The following TMEM232 variants were observed in gnomAD, a reference collection of about 807,000 sequenced individuals.
TMEM232 encodes the protein transmembrane protein 232.
Under a neutral mutation model 78.8 loss-of-function variants are expected in TMEM232, and 80 were observed. The ratio of observed to expected loss-of-function variants is 1.01; its 90% CI spans 0.85 to 1.22. The LOEUF is 1.22. Ranked by LOEUF, TMEM232 falls within the 50% of genes most tolerant of loss-of-function variation. The pLI is 0.00. For missense variants in TMEM232, 881 were observed against 742.2 expected (o/e 1.19, Z -2.17); for synonymous variants, 297 against 254.3 (o/e 1.17, Z -1.60).
chr5:110,681,731 T>C (rs1472996061), intron 1 of TMEM232, among the ~76,000 whole-genome samples: 3 of 152,226 alleles, frequency 2.0e-5, no homozygotes, highest in Non-Finnish European at 4.4e-5. Context: ...TGGAGTTGAA[T>C]AATAGAACTT....
At chr5:110,598,624 A>G (rs913988534) in intron 10 of TMEM232, among the ~76,000 whole-genome samples, 7 of 152,064 alleles carry the variant, frequency 4.6e-5, no homozygotes, top group African/African-American at 1.7e-4. Context: ...ATGTCCAACA[A>G]TGATAGACTG....
intron 4 of TMEM232, among the ~76,000 whole-genome samples, chr5:110,638,605 A>C (rs1307499864): frequency 6.6e-6 from 1 of 152,136 alleles, no homozygotes. Flanking sequence ...TGTGACTTCT[A>C]AGACTGAATC....
Position 110,654,755 on chromosome 5 carries a change from C to T in TMEM232, c.126-12384G>A, listed in dbSNP as rs545761734. Among the ~76,000 whole-genome samples, 405 of 152,228 alleles carry T rather than the reference C, an allele frequency of 2.7e-3. 6 individuals carry two copies. The highest frequency in any genetic ancestry group is 9.2e-3 in the African/African-American group (381 of 41,540). ...ACCTTGGGCAGTATGGCCATTTTCA[C>T]GATATTGATTCTTCCTACCCATGAG... On this transcript the variant is annotated intron_variant, in intron 2 of 13. Transcript: ENST00000455884.
At chr5:110,626,058 G>A (rs978260860) in intron 6 of TMEM232, among the ~76,000 whole-genome samples, 1 of 151,960 alleles carries the variant, frequency 6.6e-6, no homozygotes, top group African/African-American at 2.4e-5. Context: ...TATGTGGAGA[G>A]GTAGCAGCCG....
At chr5:110,684,914 A>G (rs1793204997) in intron 1 of TMEM232, 2 of 152,056 alleles carry the variant, frequency 1.3e-5, no homozygotes, top group African/African-American at 4.8e-5. Context: ...GCTGCTTGTA[A>G]GCACCAGGAG....
At chr5:110,482,941 G>C (rs527807058) in intron 12 of TMEM232, among the ~76,000 whole-genome samples, 1 of 150,552 alleles carries the variant, frequency 6.6e-6, no homozygotes, top group Middle Eastern at 3.4e-3. Context: ...CAAGAGTCCA[G>C]GATGAAAATG....
intron 1 of TMEM232, among the ~76,000 whole-genome samples, chr5:110,678,577 A>G (rs1371575791): frequency 6.6e-6 from 1 of 152,164 alleles, no homozygotes; most frequent in Non-Finnish European, 1.5e-5. Flanking sequence ...GGTGTTGCAC[A>G]TTCTATGGGT....
chr5:110,396,081 T>C (rs985081282), intron 3 of TMEM232, among the ~76,000 whole-genome samples: 9 of 152,204 alleles, frequency 5.9e-5, no homozygotes, highest in African/African-American at 1.2e-4. Context: ...CAGTTCTGCA[T>C]GGCTGGGGAG....
chr5:110,670,399 A>C (rs1164493912), intron 1 of TMEM232, among the ~76,000 whole-genome samples: 1 of 152,186 alleles, frequency 6.6e-6, no homozygotes, highest in Non-Finnish European at 1.5e-5. Context: ...GAAGGAGAAT[A>C]AAATACCTAG....
At chr5:110,393,761 A>C (rs866325605) in intron 3 of TMEM232, among the ~76,000 whole-genome samples, 7 of 152,178 alleles carry the variant, frequency 4.6e-5, no homozygotes, top group African/African-American at 1.2e-4. Flanking sequence ...GTTTCTGAGC[A>C]GCCTCACCAA....
chr5:110,680,398 A>C (rs1389811782), intron 1 of TMEM232, among the ~76,000 whole-genome samples: 1 of 141,124 alleles, frequency 7.1e-6, no homozygotes, highest in East Asian at 2.0e-4. Flanking sequence ...CTCTATCTCA[A>C]AAAAAAAAAA....
intron 2 of TMEM232, among the ~76,000 whole-genome samples, chr5:110,656,271 A>G (rs1191190857): frequency 1.3e-5 from 2 of 152,170 alleles, no homozygotes; most frequent in Non-Finnish European, 2.9e-5. Context: ...CAAGTTGATC[A>G]TAGTGTACAT....
chr5:110,724,862 A>G (rs575283547), intron 1 of TMEM232, among the ~76,000 whole-genome samples: 4 of 151,792 alleles, frequency 2.6e-5, no homozygotes, highest in Admixed American at 1.3e-4. Flanking sequence ...ATATGGTTTC[A>G]ACAAAAAAAC....
At chr5:110,523,002 T>C (rs1769775746) in intron 12 of TMEM232, among the ~76,000 whole-genome samples, 1 of 152,198 alleles carries the variant, frequency 6.6e-6, no homozygotes, top group Non-Finnish European at 1.5e-5. Flanking sequence ...TTCAGATGTT[T>C]AGTAGGATTC....
At chr5:110,509,995 C>T (rs1011809015) in intron 12 of TMEM232, among the ~76,000 whole-genome samples, 1 of 152,034 alleles carries the variant, frequency 6.6e-6, no homozygotes. Context: ...CTGGCTGTTC[C>T]TAAGGCTTGG....
rs79679673 is a variant in TMEM232 at position 110,632,842 on chromosome 5, A to C, written c.502-4962T>G. 5.8e-3 allele frequency among the ~76,000 whole-genome samples: 881 copies of C among 152,302 alleles called. 9 individuals are homozygous for C. The highest frequency in any genetic ancestry group is 0.02 in the African/African-American group (833 of 41,580). ...AAGGGTTCAAAAACTTATTTAACAA[A>C]ATTTAACTTGAAATCTTCACAAGTC... On this transcript the variant is annotated intron_variant, in intron 5 of 13. Transcript: ENST00000455884.
intron 11 of TMEM232, among the ~76,000 whole-genome samples, chr5:110,539,184 C>A (rs1013959748): frequency 3.3e-5 from 5 of 152,122 alleles, no homozygotes; most frequent in African/African-American, 9.7e-5. Context: ...CAGTGCCAGT[C>A]AAAATACGCT....
At chr5:110,655,190 A>T (rs887860130) in intron 2 of TMEM232, among the ~76,000 whole-genome samples, 3 of 151,984 alleles carry the variant, frequency 2.0e-5, no homozygotes, top group Admixed American at 2.0e-4. Flanking sequence ...TCTACAATGA[A>T]CTGAAACAAA....
At chr5:110,536,257 G>A (rs1772338858) in intron 11 of TMEM232, among the ~76,000 whole-genome samples, 1 of 152,202 alleles carries the variant, frequency 6.6e-6, no homozygotes, top group Non-Finnish European at 1.5e-5. Context: ...CCACCACCCA[G>A]TTCTAGTAAG....
Sources: allele counts gnomAD v4.1 joint callset (sites outside exome capture counted in the v4.1 genomes callset), GRCh38; gene constraint gnomAD v4.1.1; transcripts MANE v1.5; gene names NCBI Gene and HGNC (gene_info 2026-07-23, HGNC 2026-07-21).